The following NFATC1 variants were observed in gnomAD, a reference collection of about 807,000 sequenced individuals.
The protein encoded by NFATC1 is nuclear factor of activated T-cells, cytoplasmic 1.
Under a neutral mutation model 76.0 loss-of-function variants are expected in NFATC1, and 22 were observed. The ratio of observed to expected loss-of-function variants is 0.29; its 90% confidence interval spans 0.21 to 0.41. The LOEUF is 0.41. Ranked by LOEUF, NFATC1 falls within the 10% of genes least tolerant of loss-of-function variation. NFATC1 has a pLI of 1.00. For missense variants in NFATC1, 1,357 were observed against 1,337.7 expected (o/e 1.01, Z -0.23); for synonymous variants, 704 against 613.1 (o/e 1.15, Z -2.19).
intron 9 of NFATC1, among the ~76,000 whole-genome samples, chr18:79,518,847 G>A (rs999074156): frequency 1.3e-5 from 2 of 152,240 alleles, no homozygotes; most frequent in African/African-American, 2.4e-5. Flanking sequence ...GTAACAAGGC[G>A]GCCAGTGCCC....
chr18:79,423,196 G>A (rs767360505), intron 2 of NFATC1, among the ~76,000 whole-genome samples: 3 of 152,254 alleles, frequency 2.0e-5, no homozygotes, highest in East Asian at 1.9e-4. Flanking sequence ...GTGGAGCCAC[G>A]GGACGCCATC....
chr18:79,451,998 C>T (rs888156654), intron 6 of NFATC1, 182 bp downstream of exon 6: 4 of 640,830 alleles, frequency 6.2e-6, no homozygotes, highest in Admixed American at 3.9e-5. Context: ...TTGTGTGAGC[C>T]GACAGCTGTG....
At position 79,450,850 on chromosome 18, in the gene NFATC1, G is replaced by A. The variant is rs115671473; in HGVS notation, c.1590-104G>A. On this transcript the variant is annotated intron_variant, in intron 4 of 9. Transcript: ENST00000427363. ...GGGAGAGTGGCCAGCTGCCTGGCAC[G>A]AGCTCGTGGGGCTGGGATGAGGGCC... The A allele has an allele frequency of 4.6e-3, 6,629 of 1,430,714 alleles. 151 individuals carry two copies. The African/African-American group carries it at 0.063, about 14-fold the overall frequency. 88.6% of individuals were successfully genotyped at this position (1,430,714 alleles called of 1,614,324 possible). A position where few individuals can be genotyped will look rare whatever the true frequency, so the allele number is the denominator to read the frequency against.
intron 6 of NFATC1, 59 bp from the exon 7 acceptor site, chr18:79,461,252 C>A: frequency 6.3e-7 from 1 of 1,590,638 alleles, no homozygotes; most frequent in South Asian, 1.1e-5. Context: ...GTGGGGGTGT[C>A]TGGGGAGGGG....
At chr18:79,526,633 G>C (rs150777636) in intron 9 of NFATC1, among the ~76,000 whole-genome samples, 129 of 152,318 alleles carry the variant, frequency 8.5e-4, no homozygotes, top group African/African-American at 2.9e-3. Context: ...AGTGTGTCCT[G>C]TTATCAGTTC....
chr18:79,476,885 G>T (rs1210604328), intron 8 of NFATC1, among the ~76,000 whole-genome samples: 2 of 152,236 alleles, frequency 1.3e-5, no homozygotes, highest in Non-Finnish European at 2.9e-5. Flanking sequence ...GGAAGATCAT[G>T]CCTTCCTGGA....
At chr18:79,400,623 C>A in intron 1 of NFATC1, 1 of 722,848 alleles carries the variant, frequency 1.4e-6, no homozygotes, top group Non-Finnish European at 1.9e-6. Context: ...GCGGGGGACG[C>A]TGCAGTGCGG....
intron 7 of NFATC1, among the ~76,000 whole-genome samples, chr18:79,461,633 G>A (rs2088103486): frequency 6.6e-6 from 1 of 152,224 alleles, no homozygotes; most frequent in Admixed American, 6.5e-5. Flanking sequence ...CAGGCTGAGG[G>A]CCACCTCACA....
intron 6 of NFATC1, among the ~76,000 whole-genome samples, chr18:79,458,524 GGCCT>G (rs1472158651): frequency 1.3e-5 from 2 of 152,220 alleles, no homozygotes; most frequent in African/African-American, 4.8e-5. Context: ...TGGGCCCGCA[GGCCT>G]GCCTGTGTGG....
At chr18:79,455,860 C>G (rs1041297263) in intron 6 of NFATC1, among the ~76,000 whole-genome samples, 1 of 152,198 alleles carries the variant, frequency 6.6e-6, no homozygotes, top group South Asian at 2.1e-4. Flanking sequence ...TGGGCAGGCA[C>G]TAGCCACACT....
At chr18:79,499,144 G>T (rs757504355) in intron 9 of NFATC1, among the ~76,000 whole-genome samples, 1 of 152,198 alleles carries the variant, frequency 6.6e-6, no homozygotes, top group East Asian at 1.9e-4. Flanking sequence ...CATAAGACAC[G>T]ATTGCAAACC....
intron 8 of NFATC1, among the ~76,000 whole-genome samples, chr18:79,472,220 T>C (rs965903779): frequency 4.6e-5 from 7 of 152,136 alleles, no homozygotes; most frequent in Non-Finnish European, 1.0e-4. Context: ...GGTCGACAGC[T>C]GGGGGCTTTC....
chr18:79,527,355 G>A, intron 9 of NFATC1, 173 bp from the exon 10 acceptor site: 2 of 588,758 alleles, frequency 3.4e-6, no homozygotes, highest in Non-Finnish European at 6.1e-6. Context: ...AGGCAGCCAG[G>A]CACTGGCTCA....
chr18:79,426,057 T>C lies in NFATC1; in HGVS notation c.1227-7522T>C, dbSNP rs543017452. Reference sequence around the variant, plus strand: ...AGAGACCCCATCTCTACACAAAATATAACAATTAGCCAGGTGTGGTGGTGC... The same window carrying C: ...AGAGACCCCATCTCTACACAAAATACAACAATTAGCCAGGTGTGGTGGTGC... On this transcript the variant is annotated intron_variant, in intron 2 of 9. Transcript: ENST00000427363. Among the ~76,000 whole-genome samples, 103 of 151,996 alleles carry C rather than the reference T, an allele frequency of 6.8e-4. 3 individuals are homozygous for C. In the South Asian group the frequency reaches 0.021, roughly 30 times the overall value.
intron 2 of NFATC1, among the ~76,000 whole-genome samples, chr18:79,412,180 A>T (rs2085714471): frequency 1.3e-5 from 2 of 152,304 alleles, no homozygotes; most frequent in South Asian, 4.1e-4. Context: ...GGGCTGCTGG[A>T]ATTCCGCTGG....
chr18:79,459,809 T>C (rs889728778), intron 6 of NFATC1, among the ~76,000 whole-genome samples: 1 of 151,192 alleles, frequency 6.6e-6, no homozygotes, highest in African/African-American at 2.4e-5. Flanking sequence ...ACACACAGAG[T>C]GATTTGGATT....
rs2090829798 is a variant in NFATC1, at chr18:79,528,704, C to T, written c.*1127C>T. 2 of 152,226 alleles carry T rather than the reference C, an allele frequency of 1.3e-5. No individual in the cohort carries two copies. Among genetic ancestry groups the T allele is most frequent in the Non-Finnish European group, 2.9e-5 (2 of 68,036 alleles). The allele number at this position is 152,226 out of a possible 1,614,324, so 9.4% of individuals were successfully genotyped here. On this transcript the variant is annotated 3_prime_UTR_variant, in exon 10 of 10. Transcript: ENST00000427363. ...AGATGATTGTTTCACAGAAGCCTTA[C>T]CACTCTCTGCTTCATCTAAGAAAAC...
chr18:79,507,662 C>T (rs1027690916), intron 9 of NFATC1, among the ~76,000 whole-genome samples: 1 of 152,248 alleles, frequency 6.6e-6, no homozygotes, highest in African/African-American at 2.4e-5. Context: ...TGACGCACGT[C>T]CCCCGGAGCC....
intron 1 of NFATC1, among the ~76,000 whole-genome samples, chr18:79,402,953 A>C (rs530530901): frequency 6.6e-6 from 1 of 152,394 alleles, no homozygotes; most frequent in African/African-American, 2.4e-5. Flanking sequence ...ATTGCAAAGC[A>C]AGGCAAACTG....
Sources: gnomAD v4.1 joint callset for allele counts (sites outside exome capture counted in the v4.1 genomes callset) on GRCh38, gnomAD v4.1.1 for gene constraint, MANE v1.5 for transcripts, NCBI Gene and HGNC (gene_info 2026-07-23, HGNC 2026-07-21) for gene names.